SEMA3A: variants seen among roughly 807,000 people sequenced by gnomAD.
SEMA3A encodes the protein semaphorin 3A, also known as semaphorin-3A.
In SEMA3A, 29 loss-of-function variants were observed where a neutral mutation model predicts 97.9. The ratio of observed to expected loss-of-function variants is 0.30; its 90% CI spans 0.22 to 0.40. The LOEUF is 0.40. SEMA3A is among the 10% of genes least tolerant of loss of function. The pLI is 1.00. For missense variants in SEMA3A, 763 were observed against 951.3 expected, an observed-to-expected ratio of 0.80 and a Z score of 2.60; for synonymous variants, 321 against 323.7, an observed-to-expected ratio of 0.99 and a Z score of 0.09.
intron 2 of SEMA3A, among the ~76,000 whole-genome samples, chr7:84,322,080 CACTT>C (rs1185036925): frequency 1.3e-5 from 2 of 151,406 alleles, no homozygotes; most frequent in African/African-American, 4.8e-5. Flanking sequence ...AAATGTCAAA[CACTT>C]ACAAAACCAT....
At chr7:84,085,412 A>T (rs968783348) in intron 4 of SEMA3A, among the ~76,000 whole-genome samples, 1 of 151,998 alleles carries the variant, frequency 6.6e-6, no homozygotes, top group Non-Finnish European at 1.5e-5. Context: ...GAAAAAAAAA[A>T]GTAAACTAGT....
At chr7:84,088,378 C>T (rs879945586) in intron 4 of SEMA3A, among the ~76,000 whole-genome samples, 46 of 151,740 alleles carry the variant, frequency 3.0e-4, no homozygotes, top group Admixed American at 2.4e-3. Flanking sequence ...CGCTTGAACC[C>T]GAGAGGCAGA....
intron 2 of SEMA3A, among the ~76,000 whole-genome samples, chr7:84,317,459 T>C (rs892128349): frequency 1.3e-5 from 2 of 152,212 alleles, no homozygotes; most frequent in Admixed American, 6.5e-5. Context: ...GCTTTTTATA[T>C]GTGTGTGGAA....
chr7:84,063,819 A>C (rs1793359301), intron 4 of SEMA3A, among the ~76,000 whole-genome samples: 1 of 149,602 alleles, frequency 6.7e-6, no homozygotes, highest in South Asian at 2.2e-4. Flanking sequence ...TGATGGGGAG[A>C]ATGGAACCAA....
intron 1 of SEMA3A, among the ~76,000 whole-genome samples, chr7:84,374,775 A>C (rs1404786033): frequency 6.6e-6 from 1 of 152,178 alleles, no homozygotes. Context: ...AAGGTTGATG[A>C]TAGGTATATT....
At position 83,957,596 on chromosome 7, in the gene SEMA3A, A is replaced by T. The variant is rs1788320364; in HGVS notation, c.*3775T>A. On this transcript the variant is annotated 3_prime_UTR_variant, in exon 17 of 17. Transcript: ENST00000265362. ...ACTATATGGGCTGTCACATATGCTG[A>T]TTTTATTCTCTCTTTCATTTAGATA... The T allele has an allele frequency of 6.6e-6, 1 of 152,084 alleles. No individual in the cohort carries two copies. The allele number at this position is 152,084 out of a possible 1,614,324, so 9.4% of individuals were successfully genotyped here.
Position 84,046,316 on chromosome 7 carries a change from C to T in SEMA3A, c.667+8G>A. The T allele has an allele frequency of 6.2e-7, 1 of 1,612,318 alleles. No individual in the cohort carries two copies. Among genetic ancestry groups the T allele is most frequent in the Non-Finnish European group, 8.5e-7 (1 of 1,179,034 alleles). On this transcript the variant is annotated splice_region_variant and intron_variant, in intron 6 of 16. Transcript: ENST00000265362. ...TTACATGTCTATGTTCTTTCATAAA[C>T]CACCTACCATTGAGCCACCTGGAAT...
intron 5 of SEMA3A, among the ~76,000 whole-genome samples, chr7:84,053,185 T>A (rs139997240): frequency 0.082 from 10,141 of 123,490 alleles, 1,413 homozygotes; most frequent in African/African-American, 0.25. Context: ...AAATGTATAT[T>A]CTGTTGATTT....
At chr7:84,037,170 G>C (rs1404869887) in intron 6 of SEMA3A, among the ~76,000 whole-genome samples, 1 of 137,038 alleles carries the variant, frequency 7.3e-6, no homozygotes, top group African/African-American at 2.7e-5. Flanking sequence ...TTTCAATTTT[G>C]TTTTCTCTTA....
Position 84,488,182 on chromosome 7 carries a change from TC to T in SEMA3A, c.-246+4277del, listed in dbSNP as rs66553703. 9.7e-3 allele frequency among the ~76,000 whole-genome samples: 1,483 copies of T among 152,178 alleles called. 22 individuals carry two copies. The highest frequency in any genetic ancestry group is 0.033 in the African/African-American group (1,390 of 41,524). On this transcript the variant is annotated intron_variant, in intron 1 of 3. Transcript: ENST00000424555. Reference sequence around the variant, plus strand: ...TTGTTTTTATTTTCTTCACAAAGAATCTCCATCATAGTGATGTCTGTCTTGA... The same window carrying T: ...TTGTTTTTATTTTCTTCACAAAGAATTCCATCATAGTGATGTCTGTCTTGA...
At chr7:84,238,846 C>G (rs1799295151) in intron 3 of SEMA3A, among the ~76,000 whole-genome samples, 1 of 152,016 alleles carries the variant, frequency 6.6e-6, no homozygotes, top group African/African-American at 2.4e-5. Flanking sequence ...TCCCGAGTAG[C>G]TGGGACTACA....
At chr7:84,044,524 G>C (rs1792271575) in intron 6 of SEMA3A, among the ~76,000 whole-genome samples, 1 of 151,972 alleles carries the variant, frequency 6.6e-6, no homozygotes, top group Non-Finnish European at 1.5e-5. Context: ...CAAGAAATAA[G>C]GGAAGCTAAG....
At chr7:84,421,003 G>C (rs949256659) in intron 1 of SEMA3A, among the ~76,000 whole-genome samples, 4 of 151,758 alleles carry the variant, frequency 2.6e-5, no homozygotes, top group African/African-American at 4.8e-5. Context: ...GTTCTGCTCT[G>C]ATCTTAGTTA....
chr7:84,180,295 A>T (rs1182657271), intron 1 of SEMA3A, among the ~76,000 whole-genome samples: 2 of 151,110 alleles, frequency 1.3e-5, no homozygotes, highest in Admixed American at 1.3e-4. Flanking sequence ...CCTTCCCTCT[A>T]CCATTGCTGC....
At chr7:84,226,784 G>T (rs1798998597) in intron 3 of SEMA3A, among the ~76,000 whole-genome samples, 1 of 151,762 alleles carries the variant, frequency 6.6e-6, no homozygotes, top group Non-Finnish European at 1.5e-5. Context: ...AGATAATTTT[G>T]GTATACAGTT....
At chr7:84,455,280 T>C (rs916608786) in intron 1 of SEMA3A, among the ~76,000 whole-genome samples, 1 of 151,920 alleles carries the variant, frequency 6.6e-6, no homozygotes, top group Non-Finnish European at 1.5e-5. Context: ...ATAAATATAG[T>C]TTCACATAAA....
At chr7:84,397,433 TAATA>T (rs1803765995) in intron 1 of SEMA3A, among the ~76,000 whole-genome samples, 1 of 147,974 alleles carries the variant, frequency 6.8e-6, no homozygotes, top group South Asian at 2.1e-4. Context: ...ATAAAATATA[TAATA>T]TATATTTTAC....
intron 1 of SEMA3A, among the ~76,000 whole-genome samples, chr7:84,374,762 T>C (rs1360290964): frequency 6.6e-6 from 1 of 152,182 alleles, no homozygotes; most frequent in Non-Finnish European, 1.5e-5. Context: ...TTGGTAACTT[T>C]GTAAGGTTGA....
chr7:84,050,620 G>C (rs1792583012), intron 5 of SEMA3A, among the ~76,000 whole-genome samples: 1 of 152,016 alleles, frequency 6.6e-6, no homozygotes, highest in Non-Finnish European at 1.5e-5. Context: ...CCCTTTGTCA[G>C]ATGAGTAGGT....
Sources: gnomAD v4.1 joint callset for allele counts (sites outside exome capture counted in the v4.1 genomes callset) on GRCh38, gnomAD v4.1.1 for gene constraint, MANE v1.5 for transcripts, NCBI Gene and HGNC (gene_info 2026-07-23, HGNC 2026-07-21) for gene names.